Variants in PCDHGA4 observed in about 807,000 individuals in gnomAD.
PCDHGA4 encodes the protein protocadherin gamma subfamily A, 4, also known as protocadherin gamma-A4.
Under a neutral mutation model 54.6 loss-of-function variants are expected in PCDHGA4, and 38 were observed. The observed-to-expected ratio is 0.70, with a 90% confidence interval of 0.54 to 0.91. The LOEUF (loss-of-function observed/expected upper bound fraction) is 0.91, where lower values mean the gene tolerates loss of function less well. PCDHGA4 is among the 40% of genes least tolerant of loss of function. PCDHGA4 has a pLI of 0.00. For synonymous variants in PCDHGA4, 511 were observed against 512.9 expected (o/e 1.00, Z 0.05); for missense variants, 1,298 against 1,220.9 (o/e 1.06, Z -0.94).
intron 1 of PCDHGA4, chr5:141,413,902 G>A: frequency 1.9e-6 from 3 of 1,613,252 alleles, no homozygotes; most frequent in East Asian, 2.2e-5. Flanking sequence ...AAATGACAAC[G>A]CGCCGGTCTT....
At chr5:141,405,353 AT>A in intron 1 of PCDHGA4, 3 of 1,614,026 alleles carry the variant, frequency 1.9e-6, no homozygotes, top group Non-Finnish European at 2.5e-6. Context: ...CAAGTTTCCT[AT>A]AGAAGACACC....
chr5:141,473,262 G>T (rs905961411), intron 1 of PCDHGA4, among the ~76,000 whole-genome samples: 2 of 152,188 alleles, frequency 1.3e-5, no homozygotes, highest in Admixed American at 6.5e-5. Flanking sequence ...AGTCCTTAGT[G>T]TATGCTATGA....
At chr5:141,494,161 T>G (rs1420295862) in intron 1 of PCDHGA4, among the ~76,000 whole-genome samples, 3 of 152,052 alleles carry the variant, frequency 2.0e-5, no homozygotes, top group African/African-American at 7.3e-5. Flanking sequence ...TGGCACGGAG[T>G]TCTAGGGGTG....
intron 2 of PCDHGA4, among the ~76,000 whole-genome samples, chr5:141,503,075 G>C (rs1373753092): frequency 6.6e-6 from 1 of 151,438 alleles, no homozygotes; most frequent in Non-Finnish European, 1.5e-5. Context: ...GAATGGTCTC[G>C]ATCTCCTGAC....
chr5:141,394,966 G>T (rs758463890), intron 1 of PCDHGA4: 3 of 1,613,886 alleles, frequency 1.9e-6, no homozygotes, highest in Middle Eastern at 1.6e-4. Flanking sequence ...AGGCTGAGGC[G>T]CTGGCACAAG....
chr5:141,372,755 G>A (rs942442162), intron 1 of PCDHGA4: 3 of 1,613,064 alleles, frequency 1.9e-6, no homozygotes, highest in Middle Eastern at 1.6e-4. Context: ...AAGCCTCTTG[G>A]TTTGAAAGTA....
intron 1 of PCDHGA4, among the ~76,000 whole-genome samples, chr5:141,447,463 C>T (rs1004772636): frequency 6.6e-6 from 1 of 152,142 alleles, no homozygotes; most frequent in African/African-American, 2.4e-5. Context: ...AGTTTTTCTT[C>T]ACCATCTGTA....
chr5:141,365,416 C>G, intron 1 of PCDHGA4: 1 of 1,613,930 alleles, frequency 6.2e-7, no homozygotes, highest in Non-Finnish European at 8.5e-7. Context: ...ACTGTCTTCC[C>G]GGAACTGTAA....
At position 141,410,315 on chromosome 5, in the gene PCDHGA4, C is replaced by G. The variant is rs781293010; in HGVS notation, c.2514+52694C>G. 3 of 1,614,040 alleles carry G rather than the reference C, an allele frequency of 1.9e-6. No homozygotes were observed. In the East Asian group the frequency reaches 6.7e-5, roughly 36 times the overall value. On this transcript the variant is annotated intron_variant, in intron 1 of 3. Coordinates refer to ENST00000571252, the MANE Select transcript of PCDHGA4 (RefSeq NM_018917.4). ...GGCCTTAATCTCAGTGCTCTTCCTCCTCGCCGTGATTCTGGCCATTGCCTT... is the reference window on the plus strand; with the variant it reads ...GGCCTTAATCTCAGTGCTCTTCCTCGTCGCCGTGATTCTGGCCATTGCCTT...
chr5:141,383,651 T>TC, intron 1 of PCDHGA4: 1 of 1,613,922 alleles, frequency 6.2e-7, no homozygotes, highest in Non-Finnish European at 8.5e-7. Flanking sequence ...CAAGTAACTG[T>TC]CCCCGAGAAT....
At position 141,355,712 on chromosome 5, in the gene PCDHGA4, A is replaced by G. The variant is rs1759947132; in HGVS notation, c.605A>G (p.Gln202Arg). 13 of 1,613,928 alleles carry G rather than the reference A, an allele frequency of 8.1e-6. No individual in the cohort carries two copies. In the East Asian group the frequency reaches 2.7e-4, roughly 33 times the overall value. ...GGTGTAAACTCCCTGCAGGGTTACC[A>G]GCTCAACTCAAACGGTTACTTTTCC... is the stretch of plus-strand genomic sequence containing the variant. ...DVGVNSLQGY[Q>R]LNSNGYFSLD... is the part of the protein sequence containing the mutation. The change falls in exon 1 of 4, where the codon CAG becomes CGG. Residue 202 changes from glutamine (Q) to arginine (R), a missense_variant. Gln to Arg is a conservative substitution (Grantham distance 43). Coordinates refer to ENST00000571252, the MANE Select transcript of PCDHGA4 (RefSeq NM_018917.4).
chr5:141,395,248 T>G lies in PCDHGA4; in HGVS notation c.2514+37627T>G, dbSNP rs1300416039. The G allele has an allele frequency of 4.5e-6, 7 of 1,561,360 alleles. No individual in the cohort carries two copies. In the Admixed American group the frequency reaches 1.4e-4, roughly 31 times the overall value. On this transcript the variant is annotated intron_variant, in intron 1 of 3. Transcript: ENST00000571252. ...GCTGATCATGGTCAGGTGAGTTTAG[T>G]TCTTTGCTTGCTTTTAATTTCCAGA...
intron 1 of PCDHGA4, chr5:141,389,470 C>T (rs776427212): frequency 1.2e-6 from 2 of 1,613,240 alleles, no homozygotes; most frequent in East Asian, 2.2e-5. Context: ...TTCGAACTCA[C>T]ACTGCAGGCC....
intron 1 of PCDHGA4, chr5:141,394,111 C>T: frequency 1.9e-6 from 3 of 1,613,936 alleles, no homozygotes; most frequent in African/African-American, 2.7e-5. Flanking sequence ...CCACCTCTGT[C>T]CACTGAAACT....
Position 141,486,632 on chromosome 5 carries a change from A to G in PCDHGA4, c.2515-8175A>G, listed in dbSNP as rs1304397413. The G allele has an allele frequency of 6.2e-7, 1 of 1,613,580 alleles. No individual in the cohort carries two copies. Among genetic ancestry groups the G allele is most frequent in the Non-Finnish European group, 8.5e-7 (1 of 1,180,040 alleles). ...AGCCTCTGACCCAGACTCTGGCTTG[A>G]ATGCGCTTATCTCCTACTCACTCCT... On this transcript the variant is annotated intron_variant, in intron 1 of 3. Coordinates refer to ENST00000571252, the MANE Select transcript of PCDHGA4 (RefSeq NM_018917.4). This position sits in a 1 kb window ranked among gnomAD's most constrained non-coding sequence, Gnocchi z 5.0.
intron 1 of PCDHGA4, chr5:141,417,692 C>T (rs2096147964): frequency 1.8e-6 from 2 of 1,089,118 alleles, no homozygotes; most frequent in Non-Finnish European, 2.5e-6. Flanking sequence ...AAAAGAAAAC[C>T]AGCTCCCACA....
chr5:141,490,419 G>T lies in PCDHGA4; in HGVS notation c.2515-4388G>T, dbSNP rs1424302713. ...TGAGCCTTGATATCTCTCCGGACCT[G>T]CCATTTCAGATTAAGCCTTCTGAGA... is the stretch of plus-strand genomic sequence containing the variant. On this transcript the variant is annotated intron_variant, in intron 1 of 3. Transcript: ENST00000571252. The surrounding 1 kb of genome is among the most constrained non-coding windows in gnomAD (Gnocchi z 5.4). The T allele has an allele frequency of 6.2e-7, 1 of 1,614,170 alleles. No homozygotes were observed. The highest frequency in any genetic ancestry group is 8.5e-7 in the Non-Finnish European group (1 of 1,180,020).
At chr5:141,361,398 C>T (rs770221775) in intron 1 of PCDHGA4, 5 of 1,613,888 alleles carry the variant, frequency 3.1e-6, no homozygotes, top group Non-Finnish European at 4.2e-6. Flanking sequence ...ACAATCTCAC[C>T]ATCACAGCCA....
At chr5:141,399,624 T>C (rs1006867896) in intron 1 of PCDHGA4, 9 of 1,613,898 alleles carry the variant, frequency 5.6e-6, no homozygotes, top group African/African-American at 4.0e-5. Flanking sequence ...CACTGGCCTC[T>C]TACGTGTCCA....
Sources: gnomAD v4.1 joint callset for allele counts (sites outside exome capture counted in the v4.1 genomes callset) on GRCh38, gnomAD v4.1.1 for gene constraint, Gnocchi (gnomAD v3.1) non-coding constraint, MANE v1.5 for transcripts, NCBI Gene and HGNC (gene_info 2026-07-23, HGNC 2026-07-21) for gene names.